MTMR12: variants seen among roughly 807,000 people sequenced by gnomAD.
The protein encoded by MTMR12 is myotubularin-related protein 12.
Under a neutral mutation model 96.7 loss-of-function variants are expected in MTMR12, and 33 were observed. That is an observed-to-expected ratio of 0.34 (90% CI 0.26 to 0.46). The LOEUF is 0.46. Ranked by LOEUF, MTMR12 falls within the 20% of genes least tolerant of loss-of-function variation. The pLI is 1.00. For synonymous variants in MTMR12, 298 were observed against 327.2 expected, an observed-to-expected ratio of 0.91 and a Z score of 0.96; for missense variants, 721 against 896.1, an observed-to-expected ratio of 0.80 and a Z score of 2.49.
chr5:32,307,415 C>T (rs532508958), intron 1 of MTMR12, among the ~76,000 whole-genome samples: 10 of 152,136 alleles, frequency 6.6e-5, no homozygotes, highest in Middle Eastern at 3.4e-3. Context: ...GGGGGTGCTG[C>T]GATGTTTTTA....
Position 32,229,984 on chromosome 5 carries a change from C to T in MTMR12, c.2038G>A (p.Glu680Lys), listed in dbSNP as rs724159935. The change falls in exon 16 of 16, where the codon GAG (glutamate) becomes AAG (lysine). Residue 680 changes from glutamate to lysine, a missense_variant. Physicochemically the swap from Glu to Lys is moderately conservative, Grantham distance 56. Transcript: ENST00000382142. ...GGGGCCTGCTGGCTGTGGTGTCTCTCGTCGATCTTCTCTTGTAAACTCTGG... is the reference window on the plus strand; with the variant it reads ...GGGGCCTGCTGGCTGTGGTGTCTCTTGTCGATCTTCTCTTGTAAACTCTGG... ...EVQSLQEKID[E>K]RHHSQQAPQA... The T allele has an allele frequency of 5.0e-6, 8 of 1,612,218 alleles. No individual in the cohort carries two copies. The highest frequency in any genetic ancestry group is 3.3e-5 in the Admixed American group (2 of 59,928).
chr5:32,263,716 G>A (rs1393296333), intron 6 of MTMR12, among the ~76,000 whole-genome samples: 1 of 152,168 alleles, frequency 6.6e-6, no homozygotes, highest in African/African-American at 2.4e-5. Context: ...GGGATTACAG[G>A]AGTGAGCCAT....
At chr5:32,254,626 T>C (rs1749069852) in intron 8 of MTMR12, among the ~76,000 whole-genome samples, 1 of 152,032 alleles carries the variant, frequency 6.6e-6, no homozygotes, top group African/African-American at 2.4e-5. Flanking sequence ...GTGGATCACC[T>C]GAGGCCTGGA....
chr5:32,285,312 T>A (rs1750489519), intron 1 of MTMR12, among the ~76,000 whole-genome samples: 1 of 148,788 alleles, frequency 6.7e-6, no homozygotes, highest in African/African-American at 2.5e-5. Flanking sequence ...GAGCCAAGAA[T>A]GTGCCACTGC....
chr5:32,285,998 T>C (rs1750526946), intron 1 of MTMR12, among the ~76,000 whole-genome samples: 1 of 152,148 alleles, frequency 6.6e-6, no homozygotes, highest in Non-Finnish European at 1.5e-5. Context: ...ACCAATTCAT[T>C]TCAACAAATA....
At chr5:32,296,549 C>A in intron 1 of MTMR12, 1 of 293,920 alleles carries the variant, frequency 3.4e-6, no homozygotes, top group Non-Finnish European at 7.4e-6. Flanking sequence ...CCTGTAATCC[C>A]AGTACTTTGG....
At chr5:32,263,063 C>T (rs776546637) in intron 7 of MTMR12, 50 bp downstream of exon 7, 1 of 1,603,080 alleles carries the variant, frequency 6.2e-7, no homozygotes, top group Non-Finnish European at 8.5e-7. Flanking sequence ...AAACACTGTA[C>T]ACTTTTAATG....
intron 3 of MTMR12, among the ~76,000 whole-genome samples, chr5:32,273,753 G>A (rs1749936880): frequency 6.6e-6 from 1 of 152,166 alleles, no homozygotes; most frequent in South Asian, 2.1e-4. Context: ...TGGGGATGAT[G>A]GGAAGTGGAG....
At chr5:32,275,431 T>C (rs1463672572) in intron 2 of MTMR12, among the ~76,000 whole-genome samples, 1 of 152,228 alleles carries the variant, frequency 6.6e-6, no homozygotes, top group Non-Finnish European at 1.5e-5. Flanking sequence ...CTTTTAATGG[T>C]GAGGCTCTCC....
chr5:32,292,930 C>CAT (rs1750788013), intron 1 of MTMR12, among the ~76,000 whole-genome samples: 1 of 152,102 alleles, frequency 6.6e-6, no homozygotes, highest in African/African-American at 2.4e-5. Context: ...CATGTTTGTG[C>CAT]ATATATACAT....
intron 2 of MTMR12, 90 bp from the exon 3 acceptor site, chr5:32,274,212 G>C (rs1749960679): frequency 7.0e-7 from 1 of 1,433,302 alleles, no homozygotes; most frequent in South Asian, 1.3e-5. Flanking sequence ...ATTTACATAA[G>C]GACAAACATA....
At chr5:32,311,927 T>G (rs1452798404) in intron 1 of MTMR12, among the ~76,000 whole-genome samples, 2 of 152,146 alleles carry the variant, frequency 1.3e-5, no homozygotes, top group Non-Finnish European at 2.9e-5. Flanking sequence ...ATTTATCACC[T>G]CCTACTACAC....
intron 3 of MTMR12, among the ~76,000 whole-genome samples, chr5:32,273,772 T>A (rs1409631068): frequency 6.6e-6 from 1 of 151,998 alleles, no homozygotes; most frequent in African/African-American, 2.4e-5. Flanking sequence ...AGTAACTGAG[T>A]AGCTGGGGGA....
At position 32,229,732 on chromosome 5, in the gene MTMR12, G is replaced by A; in HGVS notation, c.*46C>T. ...CGTGACACAAATCCAGGGATCAGCTGTCCCAATCTCCCACATTCCTCTTTC... is the reference window on the plus strand; with the variant it reads ...CGTGACACAAATCCAGGGATCAGCTATCCCAATCTCCCACATTCCTCTTTC... On this transcript the variant is annotated 3_prime_UTR_variant, in exon 16 of 16. Transcript: ENST00000382142. The A allele has an allele frequency of 6.8e-7, 1 of 1,479,144 alleles. No individual in the cohort carries two copies. Among genetic ancestry groups the A allele is most frequent in the Non-Finnish European group, 9.0e-7 (1 of 1,111,204 alleles). 91.6% of individuals were successfully genotyped at this position (1,479,144 alleles called of 1,614,324 possible).
chr5:32,260,962 G>A (rs1051334646), intron 7 of MTMR12, among the ~76,000 whole-genome samples: 1 of 151,736 alleles, frequency 6.6e-6, no homozygotes, highest in Admixed American at 6.6e-5. Flanking sequence ...GCCAGGCGCA[G>A]TGGCTCACGC....
intron 13 of MTMR12, among the ~76,000 whole-genome samples, chr5:32,236,494 C>G (rs931298092): frequency 2.0e-5 from 3 of 152,170 alleles, no homozygotes; most frequent in African/African-American, 7.2e-5. Flanking sequence ...CTGCAGTAAG[C>G]CATGACTGTG....
At position 32,276,736 on chromosome 5, in the gene MTMR12, G is replaced by A; in HGVS notation, c.88C>T (p.His30Tyr). 2 of 1,613,404 alleles carry A rather than the reference G, an allele frequency of 1.2e-6. No individual in the cohort carries two copies. Among genetic ancestry groups the A allele is most frequent in the Non-Finnish European group, 1.7e-6 (2 of 1,179,516 alleles). ...TCTGTTACTTCCTTTTCGTTTGTGT[G>A]AATTTCCTAAAAGAGAAGAGCAAAG... Reference protein sequence around the residue: ...FVSYVRPEEIHTNEKEVTEKE... With the variant: ...FVSYVRPEEIYTNEKEVTEKE... Residue 30 changes from histidine (H) to tyrosine (Y), a missense_variant, in exon 2 of 16, where the codon CAC becomes TAC. Coordinates refer to ENST00000382142, the MANE Select transcript of MTMR12 (RefSeq NM_001040446.3).
intron 1 of MTMR12, among the ~76,000 whole-genome samples, chr5:32,279,548 A>G (rs536025802): frequency 6.6e-6 from 1 of 152,368 alleles, no homozygotes; most frequent in East Asian, 1.9e-4. Flanking sequence ...AAATCAATGT[A>G]GCATCCATTG....
In MTMR12 at chr5:32,310,964, C is replaced by T. The variant is rs532067170; in HGVS notation, c.81+1794G>A. Among the ~76,000 whole-genome samples the T allele has an allele frequency of 1.2e-4, 18 of 151,746 alleles. No individual in the cohort carries two copies. The South Asian group carries it at 2.9e-3, about 25-fold the overall frequency. On this transcript the variant is annotated intron_variant, in intron 1 of 15. Coordinates refer to ENST00000382142, the MANE Select transcript of MTMR12 (RefSeq NM_001040446.3). The stretch of plus-strand genomic sequence containing the variant: ...TCTCGGCTCACTGCAACCTCTGCCT[C>T]CTGGGTTCAAGCGATTCTCCTGCCT...
Sources: gnomAD v4.1 joint callset for allele counts (sites outside exome capture counted in the v4.1 genomes callset) on GRCh38, gnomAD v4.1.1 for gene constraint, MANE v1.5 for transcripts, NCBI Gene and HGNC (gene_info 2026-07-23, HGNC 2026-07-21) for gene names.